RIMS2: variants seen among roughly 807,000 people sequenced by gnomAD.
RIMS2 encodes regulating synaptic membrane exocytosis 2.
A neutral mutation model predicts 174.4 loss-of-function variants in RIMS2; 59 were observed. The observed-to-expected ratio is 0.34, with a 90% confidence interval of 0.27 to 0.42. RIMS2 has a LOEUF of 0.42. Ranked by LOEUF, RIMS2 falls within the 10% of genes least tolerant of loss-of-function variation. The pLI, the probability that RIMS2 is intolerant of heterozygous loss-of-function variation, is 1.00. For synonymous variants in RIMS2, 606 were observed against 572.5 expected (o/e 1.06, Z -0.84); for missense variants, 1,620 against 1,666.3 (o/e 0.97, Z 0.48).
chr8:103,938,080 A>AAATG (rs2081667871), intron 13 of RIMS2, among the ~76,000 whole-genome samples: 2 of 152,160 alleles, frequency 1.3e-5, no homozygotes, highest in African/African-American at 4.8e-5. Flanking sequence ...TTTAAAAAGA[A>AAATG]AATGGTTCGA....
intron 3 of RIMS2, among the ~76,000 whole-genome samples, chr8:103,821,843 A>T (rs1167384711): frequency 6.6e-6 from 1 of 151,640 alleles, no homozygotes; most frequent in Non-Finnish European, 1.5e-5. Context: ...ATGGAAGAAG[A>T]ATGGCCTGAA....
At chr8:104,248,670 G>A (rs1307174464) in intron 20 of RIMS2, 31 bp from the exon 27 acceptor site, 1 of 1,150,946 alleles carries the variant, frequency 8.7e-7, no homozygotes. Context: ...AGGGGTTGGG[G>A]ATTTAATCTC....
At chr8:103,512,742 G>C (rs1827148820) in intron 1 of RIMS2, among the ~76,000 whole-genome samples, 2 of 152,000 alleles carry the variant, frequency 1.3e-5, no homozygotes, top group Non-Finnish European at 2.9e-5. Context: ...TAGAAAAGTG[G>C]GCAATCCTTA....
chr8:103,853,000 G>C (rs149560716), intron 3 of RIMS2, among the ~76,000 whole-genome samples: 18 of 152,166 alleles, frequency 1.2e-4, no homozygotes, highest in Non-Finnish European at 2.9e-5. Flanking sequence ...CACAGTGGCT[G>C]AATTAGTTTA....
intron 2 of RIMS2, among the ~76,000 whole-genome samples, chr8:103,729,393 T>A (rs2097565318): frequency 1.3e-5 from 2 of 152,180 alleles, no homozygotes; most frequent in Non-Finnish European, 2.9e-5. Flanking sequence ...TAATGATTCT[T>A]TGAATTTCTG....
intron 2 of RIMS2, among the ~76,000 whole-genome samples, chr8:103,743,595 A>T (rs1237157379): frequency 6.6e-6 from 1 of 152,098 alleles, no homozygotes; most frequent in Non-Finnish European, 1.5e-5. Flanking sequence ...GATATCACAG[A>T]TTCTTTTGTT....
chr8:104,134,952 C>T (rs747786050), intron 19 of RIMS2, among the ~76,000 whole-genome samples: 31 of 152,104 alleles, frequency 2.0e-4, no homozygotes, highest in Non-Finnish European at 2.8e-4. Flanking sequence ...CTTAGTACCT[C>T]AAAATAGATC....
At chr8:104,215,189 T>C (rs1277540041) in intron 19 of RIMS2, among the ~76,000 whole-genome samples, 1 of 152,204 alleles carries the variant, frequency 6.6e-6, no homozygotes, top group African/African-American at 2.4e-5. Flanking sequence ...TATCAAGCAG[T>C]ATAAGCAACT....
intron 1 of RIMS2, among the ~76,000 whole-genome samples, chr8:103,641,673 C>T (rs919652458): frequency 2.6e-5 from 4 of 151,920 alleles, no homozygotes; most frequent in African/African-American, 7.3e-5. Flanking sequence ...AGATTAATGC[C>T]ATTCTTGGGG....
At chr8:104,167,287 C>T (rs561365189) in intron 19 of RIMS2, among the ~76,000 whole-genome samples, 1 of 152,204 alleles carries the variant, frequency 6.6e-6, no homozygotes, top group African/African-American at 2.4e-5. Flanking sequence ...AGGAGGGTTG[C>T]ATATTTCCAG....
chr8:103,679,327 C>A (rs1010760699), intron 1 of RIMS2, among the ~76,000 whole-genome samples: 1 of 151,822 alleles, frequency 6.6e-6, no homozygotes, highest in Admixed American at 6.6e-5. Flanking sequence ...CCTTAAGGGA[C>A]CTCAAACAAA....
At chr8:104,148,693 G>T (rs986796661) in intron 19 of RIMS2, 4 of 1,598,290 alleles carry the variant, frequency 2.5e-6, no homozygotes, top group Non-Finnish European at 3.4e-6. Context: ...GGAGACATGT[G>T]CTCACTGGAG....
chr8:103,814,615 C>G (rs1407995494), intron 3 of RIMS2, among the ~76,000 whole-genome samples: 1 of 152,088 alleles, frequency 6.6e-6, no homozygotes, highest in African/African-American at 2.4e-5. Flanking sequence ...TGGCCCACAC[C>G]TGTAATCCTA....
At chr8:104,064,818 T>C (rs2097075043) in intron 19 of RIMS2, among the ~76,000 whole-genome samples, 1 of 152,054 alleles carries the variant, frequency 6.6e-6, no homozygotes, top group South Asian at 2.1e-4. Context: ...AGAAATTGGG[T>C]TGTCCCATTA....
At chr8:103,635,842 GC>G (rs1564107773) in intron 1 of RIMS2, among the ~76,000 whole-genome samples, 1 of 152,138 alleles carries the variant, frequency 6.6e-6, no homozygotes, top group Admixed American at 6.5e-5. Flanking sequence ...AGCAAAGATG[GC>G]AGCCTACCCC....
intron 1 of RIMS2, among the ~76,000 whole-genome samples, chr8:103,688,706 G>A (rs1335998660): frequency 2.0e-5 from 3 of 151,888 alleles, no homozygotes; most frequent in Non-Finnish European, 4.4e-5. Flanking sequence ...AGTGTCTTAT[G>A]ATCCTTTGTA....
At chr8:104,060,038 G>C (rs2154560193) in intron 19 of RIMS2, among the ~76,000 whole-genome samples, 1 of 151,610 alleles carries the variant, frequency 6.6e-6, no homozygotes, top group South Asian at 2.1e-4. Context: ...TCTCTTTTTT[G>C]GTTGTGTCTC....
intron 3 of RIMS2, among the ~76,000 whole-genome samples, chr8:103,825,481 C>T (rs1468509766): frequency 2.3e-5 from 3 of 130,802 alleles, no homozygotes; most frequent in African/African-American, 8.8e-5. Flanking sequence ...GATGGGGTTT[C>T]GCCATGTTGT....
At chr8:103,522,281 A>G (rs1433110315) in intron 1 of RIMS2, among the ~76,000 whole-genome samples, 6 of 152,134 alleles carry the variant, frequency 3.9e-5, no homozygotes, top group African/African-American at 1.2e-4. Context: ...GTGAAGAGCC[A>G]TTAGGTTGTC....
Sources: allele counts gnomAD v4.1 joint callset (sites outside exome capture counted in the v4.1 genomes callset), GRCh38; gene constraint gnomAD v4.1.1; transcripts MANE v1.5; gene names NCBI Gene and HGNC (gene_info 2026-07-23, HGNC 2026-07-21).